Variants in DENND1A observed in about 807,000 individuals in gnomAD.
DENND1A encodes DENN domain containing 1A.
DENND1A carries 51 observed loss-of-function variants against 113.7 expected under a neutral mutation model. The ratio of observed to expected loss-of-function variants is 0.45; its 90% CI spans 0.36 to 0.57. DENND1A has a LOEUF of 0.57. DENND1A is among the 20% of genes least tolerant of loss of function. The probability of loss-of-function intolerance (pLI) is 0.00; values close to 1 mark genes in which losing one functional copy is unlikely to be tolerated. For missense variants in DENND1A, 1,258 were observed against 1,395.9 expected (o/e 0.90, Z 1.57); for synonymous variants, 565 against 570.8 (o/e 0.99, Z 0.14).
intron 19 of DENND1A, among the ~76,000 whole-genome samples, chr9:123,437,278 A>T (rs1206861897): frequency 6.6e-6 from 1 of 152,246 alleles, no homozygotes; most frequent in East Asian, 1.9e-4. Flanking sequence ...GCTTGGAAAG[A>T]GGAACTCCAC....
chr9:123,621,944 A>G (rs770399829), intron 10 of DENND1A, among the ~76,000 whole-genome samples: 2 of 152,232 alleles, frequency 1.3e-5, no homozygotes, highest in Non-Finnish European at 2.9e-5. Context: ...GTGATGCACC[A>G]TGTGGGGGCT....
chr9:123,711,702 T>C (rs566039623), intron 5 of DENND1A, among the ~76,000 whole-genome samples: 30 of 151,850 alleles, frequency 2.0e-4, no homozygotes, highest in Middle Eastern at 3.4e-3. Context: ...CCTTCTTTAC[T>C]GTATCCCAGC....
intron 1 of DENND1A, among the ~76,000 whole-genome samples, chr9:123,905,733 C>G (rs1039796731): frequency 1.7e-4 from 26 of 151,094 alleles, no homozygotes; most frequent in South Asian, 2.1e-4. Flanking sequence ...TACAAAGAGA[C>G]TTAGACTCCC....
rs1857752989 is a variant in DENND1A at position 123,929,952 on chromosome 9, G to GCTGC, written c.-51_-48dup. ...GCCCGCGGGCCCCGCTCGGCGCTGC[G>GCTGC]CTGCCCGCCCGCCCGCGGCCGACCG... On this transcript the variant is annotated 5_prime_UTR_variant, in exon 1 of 24. Transcript: ENST00000394215. The GCTGC allele has an allele frequency of 3.3e-6, 1 of 299,144 alleles. No homozygotes were observed. Among genetic ancestry groups the GCTGC allele is most frequent in the Admixed American group, 5.3e-5 (1 of 18,796 alleles). The allele number at this position is 299,144 out of a possible 1,614,324, so 18.5% of individuals were successfully genotyped here.
chr9:123,860,671 C>T (rs1844933729), intron 2 of DENND1A, among the ~76,000 whole-genome samples: 1 of 152,200 alleles, frequency 6.6e-6, no homozygotes, highest in Admixed American at 6.5e-5. Flanking sequence ...CAGTGCATTG[C>T]CTAATAAACA....
At chr9:123,744,296 T>C (rs2069281598) in intron 5 of DENND1A, among the ~76,000 whole-genome samples, 1 of 152,226 alleles carries the variant, frequency 6.6e-6, no homozygotes, top group Middle Eastern at 3.2e-3. Flanking sequence ...TTTTCTTCTA[T>C]AAGTACTGGA....
At chr9:123,589,116 G>A (rs2136992092) in intron 11 of DENND1A, among the ~76,000 whole-genome samples, 1 of 152,194 alleles carries the variant, frequency 6.6e-6, no homozygotes, top group Middle Eastern at 3.4e-3. Flanking sequence ...TCTGATATAA[G>A]CAGTGATCCA....
rs72419269 is a variant in DENND1A, at chr9:123,779,872, C to CTTTTTTTTTTTTTTTTTTTT, written c.133-10310_133-10309insAAAAAAAAAAAAAAAAAAAA. ...CCTTTCACATTCCACTTGCATGAGA[C>CTTTTTTTTTTTTTTTTTTTT]TTTTTTTTGAGACGGAGTCTCGCTC... On this transcript the variant is annotated intron_variant, in intron 3 of 23. Transcript: ENST00000394215. Among the ~76,000 whole-genome samples, 14 of 143,876 alleles carry CTTTTTTTTTTTTTTTTTTTT rather than the reference C, an allele frequency of 9.7e-5. 2 individuals carry two copies. Among genetic ancestry groups the CTTTTTTTTTTTTTTTTTTTT allele is most frequent in the African/African-American group, 3.1e-4 (11 of 35,984 alleles). 94.4% of individuals were successfully genotyped at this position (143,876 alleles called of 152,430 possible).
chr9:123,835,043 A>G (rs548289812), intron 2 of DENND1A, among the ~76,000 whole-genome samples: 19 of 152,188 alleles, frequency 1.2e-4, no homozygotes, highest in African/African-American at 4.6e-4. Flanking sequence ...TTACAAATCA[A>G]TCGCTCAGGA....
intron 5 of DENND1A, among the ~76,000 whole-genome samples, chr9:123,690,841 A>G (rs995368892): frequency 6.6e-6 from 1 of 152,208 alleles, no homozygotes; most frequent in Non-Finnish European, 1.5e-5. Flanking sequence ...AACTGTGATG[A>G]CCCAGTTCCA....
At chr9:123,863,042 G>A (rs1390103824) in intron 2 of DENND1A, among the ~76,000 whole-genome samples, 1 of 152,070 alleles carries the variant, frequency 6.6e-6, no homozygotes, top group African/African-American at 2.4e-5. Flanking sequence ...GTAGTATTTG[G>A]TCTTTTTTAT....
chr9:123,431,602 C>T (rs944987565), intron 19 of DENND1A, among the ~76,000 whole-genome samples: 3 of 152,196 alleles, frequency 2.0e-5, no homozygotes, highest in African/African-American at 7.2e-5. Flanking sequence ...TTGACTAAGG[C>T]CCATTCTCTG....
intron 5 of DENND1A, among the ~76,000 whole-genome samples, chr9:123,727,823 T>G (rs1454647213): frequency 6.6e-6 from 1 of 152,018 alleles, no homozygotes; most frequent in Non-Finnish European, 1.5e-5. Flanking sequence ...AATCCCTAAA[T>G]AGGCCAGGCG....
At chr9:123,790,803 C>T (rs1832885699) in intron 3 of DENND1A, among the ~76,000 whole-genome samples, 2 of 152,088 alleles carry the variant, frequency 1.3e-5, no homozygotes, top group African/African-American at 4.8e-5. Context: ...TATGCATATA[C>T]GTACACATAC....
intron 10 of DENND1A, among the ~76,000 whole-genome samples, chr9:123,625,972 G>T (rs1220277639): frequency 1.3e-5 from 2 of 152,054 alleles, no homozygotes; most frequent in Non-Finnish European, 2.9e-5. Context: ...GCTCACTGTA[G>T]CCTTGACCTC....
chr9:123,876,533 A>G (rs899523304), intron 2 of DENND1A, among the ~76,000 whole-genome samples: 1 of 152,204 alleles, frequency 6.6e-6, no homozygotes, highest in African/African-American at 2.4e-5. Flanking sequence ...TAAATGATCC[A>G]GCAATAATTC....
intron 18 of DENND1A, 97 bp from the exon 19 acceptor site, chr9:123,440,588 C>A: frequency 1.4e-6 from 2 of 1,410,622 alleles, no homozygotes; most frequent in Non-Finnish European, 1.8e-6. Flanking sequence ...CGACTCTCTC[C>A]GTGACATTCT....
At chr9:123,444,228 A>G (rs2047139874) in intron 18 of DENND1A, among the ~76,000 whole-genome samples, 1 of 152,224 alleles carries the variant, frequency 6.6e-6, no homozygotes, top group Admixed American at 6.5e-5. Flanking sequence ...AATTTATCCT[A>G]ATGAAATAAT....
chr9:123,493,359 C>T (rs1195950973), intron 13 of DENND1A, among the ~76,000 whole-genome samples: 2 of 152,166 alleles, frequency 1.3e-5, no homozygotes, highest in South Asian at 4.1e-4. Context: ...TGCTACTTTG[C>T]TTAGCATCAA....
Sources: gnomAD v4.1 joint callset for allele counts (sites outside exome capture counted in the v4.1 genomes callset) on GRCh38, gnomAD v4.1.1 for gene constraint, MANE v1.5 for transcripts, NCBI Gene and HGNC (gene_info 2026-07-23, HGNC 2026-07-21) for gene names.